Variants in FBH1 observed in about 807,000 individuals in gnomAD.
FBH1 encodes F-box DNA helicase 1, also known as DNA 3'-5' helicase 1.
A neutral mutation model predicts 115.5 loss-of-function variants in FBH1; 43 were observed. The observed-to-expected ratio is 0.37, with a 90% CI of 0.29 to 0.48. The LOEUF (loss-of-function observed/expected upper bound fraction) is 0.48, where lower values mean the gene tolerates loss of function less well. Ranked by LOEUF, FBH1 falls within the 20% of genes least tolerant of loss-of-function variation. FBH1 has a pLI of 0.99. For missense variants in FBH1, 1,001 were observed against 1,337.3 expected, an observed-to-expected ratio of 0.75 and a Z score of 3.92; for synonymous variants, 524 against 507.8, an observed-to-expected ratio of 1.03 and a Z score of -0.43.
intron 2 of FBH1, among the ~76,000 whole-genome samples, chr10:5,905,741 C>T (rs1843652506): frequency 6.6e-6 from 1 of 152,100 alleles, no homozygotes; most frequent in East Asian, 1.9e-4. Context: ...TTCAGATGTT[C>T]CCTGTGCAGC....
intron 2 of FBH1, among the ~76,000 whole-genome samples, chr10:5,904,114 C>T (rs1330183211): frequency 1.3e-5 from 2 of 151,826 alleles, no homozygotes; most frequent in Non-Finnish European, 2.9e-5. Context: ...GCAGTGGCAC[C>T]ATTTCAGCTC....
chr10:5,933,558 G>A lies in FBH1; in HGVS notation c.2830-2898G>A, dbSNP rs993481257. ...GGCTGTCTGCCCTCAGGGGTCCTGC[G>A]AGGAAGTCCCAGAAAAACTGCCTAT... On this transcript the variant is annotated intron_variant, in intron 19 of 20. Coordinates refer to ENST00000362091, the MANE Select transcript of FBH1 (RefSeq NM_178150.3). The surrounding 1 kb of genome is among the most constrained non-coding windows in gnomAD (Gnocchi z 4.9). Among the ~76,000 whole-genome samples the A allele has an allele frequency of 6.6e-6, 1 of 152,130 alleles. No individual in the cohort carries two copies. The highest frequency in any genetic ancestry group is 1.5e-5 in the Non-Finnish European group (1 of 68,044).
At position 5,930,344 on chromosome 10, in the gene FBH1, C is replaced by T. The variant is rs995328335; in HGVS notation, c.2829+2803C>T. 1.2e-4 allele frequency among the ~76,000 whole-genome samples: 19 copies of T among 152,296 alleles called. No homozygotes were observed. The East Asian group carries it at 2.7e-3, about 22-fold the overall frequency. On this transcript the variant is annotated intron_variant, in intron 19 of 20. Transcript: ENST00000362091. ...CTCTTAAGTTAAATAGAGAGCTGTA[C>T]GGGACTCCCTCCCTGCTTTTCCCAT...
Position 5,903,107 on chromosome 10 carries a change from A to G in FBH1, c.89A>G (p.Gln30Arg). The change falls in exon 2 of 21, where the codon CAA (glutamine) becomes CGA (arginine). Residue 30 changes from glutamine to arginine, a missense_variant. Around this residue, in one of 4 missense-constraint regions of FBH1, gnomAD observed 420 missense variants for 430.4 expected, o/e 0.98. Coordinates refer to ENST00000362091, the MANE Select transcript of FBH1 (RefSeq NM_178150.3). The stretch of plus-strand genomic sequence containing the variant: ...TTGGCTGTGACCCAGCCCTTCGGTC[A>G]AAGATGGACAAACAGAGATCCGAAC... The part of the protein sequence containing the change: ...SHLAVTQPFG[Q>R]RWTNRDPNHG... 1 of 1,613,966 alleles carries G rather than the reference A, an allele frequency of 6.2e-7. No individual in the cohort carries two copies. Among genetic ancestry groups the G allele is most frequent in the Non-Finnish European group, 8.5e-7 (1 of 1,179,924 alleles).
At position 5,921,651 on chromosome 10, in the gene FBH1, G is replaced by A; in HGVS notation, c.2322+82G>A. 6.5e-7 allele frequency: 1 copy of A among 1,548,908 alleles called. No homozygotes were observed. The highest frequency in any genetic ancestry group is 8.7e-7 in the Non-Finnish European group (1 of 1,155,850). The stretch of plus-strand genomic sequence containing the variant: ...CCCAATGGAAATGTTCACCTTCCTT[G>A]GGATTATCATGCAAGAAAGCATTTG... On this transcript the variant is annotated intron_variant, in intron 15 of 20. Coordinates refer to ENST00000362091, the MANE Select transcript of FBH1 (RefSeq NM_178150.3). This position sits in a 1 kb window ranked among gnomAD's most constrained non-coding sequence, Gnocchi z 6.4.
rs1429889934 is a variant in FBH1 at position 5,923,605 on chromosome 10, C to CA, written c.2323-10dup. 4 of 1,602,040 alleles carry CA rather than the reference C, an allele frequency of 2.5e-6. No individual in the cohort carries two copies. The African/African-American group carries it at 5.4e-5, about 22-fold the overall frequency. ...AACAACAAAAAAACAAAAATCCCAC[C>CA]AAAAAACTTTTTCAGGGGATTAAAT... is the stretch of plus-strand genomic sequence containing the variant. On this transcript the variant is annotated splice_polypyrimidine_tract_variant and intron_variant, in intron 15 of 20. Coordinates refer to ENST00000362091, the MANE Select transcript of FBH1 (RefSeq NM_178150.3). The surrounding 1 kb of genome is among the most constrained non-coding windows in gnomAD (Gnocchi z 5.7).
chr10:5,893,094 T>A (rs2131819418), intron 1 of FBH1, among the ~76,000 whole-genome samples: 2 of 152,332 alleles, frequency 1.3e-5, no homozygotes, highest in Middle Eastern at 6.8e-3. Context: ...TTGCCTGAGC[T>A]CAGGAGTTCT....
In FBH1 at chr10:5,897,547, G is replaced by A. The variant is rs1843082365; in HGVS notation, c.2-5473G>A. On this transcript the variant is annotated intron_variant, in intron 1 of 20. Coordinates refer to ENST00000362091, the MANE Select transcript of FBH1 (RefSeq NM_178150.3). This position sits in a 1 kb window ranked among gnomAD's most constrained non-coding sequence, Gnocchi z 4.7. ...ATATCCAATAAGTCCAAGGGGTGGG[G>A]AATCCAATAAAAGTGTTAATAAAAA... 1.3e-5 allele frequency among the ~76,000 whole-genome samples: 2 copies of A among 152,112 alleles called. No homozygotes were observed. The highest frequency in any genetic ancestry group is 6.5e-5 in the Admixed American group (1 of 15,278).
intron 1 of FBH1, among the ~76,000 whole-genome samples, chr10:5,892,397 G>A (rs1842785590): frequency 6.6e-6 from 1 of 152,122 alleles, no homozygotes; most frequent in African/African-American, 2.4e-5. Flanking sequence ...TCTAATTTTG[G>A]GTTTGTTGAC....
rs577156113 is a variant in FBH1 at position 5,894,910 on chromosome 10, C to A, written c.1+4564C>A. 2.7e-5 allele frequency: 22 copies of A among 809,406 alleles called. No homozygotes were observed. The African/African-American group carries it at 3.3e-4, about 12-fold the overall frequency. 50.1% of individuals were successfully genotyped at this position (809,406 alleles called of 1,614,324 possible). On this transcript the variant is annotated intron_variant, in intron 1 of 20. Transcript: ENST00000362091. ...AAGACACATGTTAAATGCACACTTACACAAAGAATTGTTACAAGTATCTCG... is the reference window on the plus strand; with the variant it reads ...AAGACACATGTTAAATGCACACTTAAACAAAGAATTGTTACAAGTATCTCG...
In FBH1 at chr10:5,895,941, T is replaced by A. The variant is rs537247797; in HGVS notation, c.1+5595T>A. Among the ~76,000 whole-genome samples, 1 of 152,162 alleles carries A rather than the reference T, an allele frequency of 6.6e-6. No homozygotes were observed. The highest frequency in any genetic ancestry group is 1.9e-4 in the East Asian group (1 of 5,194). On this transcript the variant is annotated intron_variant, in intron 1 of 20. Transcript: ENST00000362091. The surrounding 1 kb of genome is among the most constrained non-coding windows in gnomAD (Gnocchi z 5.0). Reference sequence around the variant, plus strand: ...TGCTCAGGGAGAAGAGCAACAACATTCTTTGCAGCAAAACCTGAAACACTC... The same window carrying A: ...TGCTCAGGGAGAAGAGCAACAACATACTTTGCAGCAAAACCTGAAACACTC...
chr10:5,933,434 G>A lies in FBH1; in HGVS notation c.2830-3022G>A, dbSNP rs1484568420. Among the ~76,000 whole-genome samples the A allele has an allele frequency of 6.6e-6, 1 of 152,176 alleles. No homozygotes were observed. The highest frequency in any genetic ancestry group is 1.5e-5 in the Non-Finnish European group (1 of 68,032). ...GAAGTAGACTTTTTAAAGCTGATTG[G>A]AAGGTTGTCAGTTGGTTGCTGCATG... On this transcript the variant is annotated intron_variant, in intron 19 of 20. Transcript: ENST00000362091. This position sits in a 1 kb window ranked among gnomAD's most constrained non-coding sequence, Gnocchi z 4.9.
chr10:5,932,091 G>A lies in FBH1; in HGVS notation c.2830-4365G>A, dbSNP rs1270703475. ...GAACCCAGGAGGCGGAGATTGCAGT[G>A]AGCTGAGATTGTGCCACTGCACTCC... On this transcript the variant is annotated intron_variant, in intron 19 of 20. Coordinates refer to ENST00000362091, the MANE Select transcript of FBH1 (RefSeq NM_178150.3). This position sits in a 1 kb window ranked among gnomAD's most constrained non-coding sequence, Gnocchi z 5.9. Among the ~76,000 whole-genome samples the A allele has an allele frequency of 6.6e-6, 1 of 152,210 alleles. No homozygotes were observed. The highest frequency in any genetic ancestry group is 1.5e-5 in the Non-Finnish European group (1 of 68,048).
rs76291320 is a variant in FBH1 at position 5,895,743 on chromosome 10, C to T, written c.1+5397C>T. Among the ~76,000 whole-genome samples, 2,271 of 152,198 alleles carry T rather than the reference C, an allele frequency of 0.015. 51 individuals are homozygous for T. Among genetic ancestry groups the T allele is most frequent in the African/African-American group, 0.051 (2,131 of 41,528 alleles). On this transcript the variant is annotated intron_variant, in intron 1 of 20. Coordinates refer to ENST00000362091, the MANE Select transcript of FBH1 (RefSeq NM_178150.3). This position sits in a 1 kb window ranked among gnomAD's most constrained non-coding sequence, Gnocchi z 5.0. ...TGGAGGCTCTTCTATTTTGAACACC[C>T]GGCTTCTAAGGATGTCCTGGGAATC... is the stretch of plus-strand genomic sequence containing the variant.
rs144808480 is a variant in FBH1, at chr10:5,905,800, C to T, written c.158-237C>T. The stretch of plus-strand genomic sequence containing the variant: ...CTGCAGGGAGTATTGCTGGCCATCA[C>T]ATCATGTGAAGACTGGTCTCTGTCT... On this transcript the variant is annotated intron_variant, in intron 2 of 20. Coordinates refer to ENST00000362091, the MANE Select transcript of FBH1 (RefSeq NM_178150.3). Among the ~76,000 whole-genome samples, 393 of 152,316 alleles carry T rather than the reference C, an allele frequency of 2.6e-3. 1 individual carries two copies. Among genetic ancestry groups the T allele is most frequent in the African/African-American group, 9.2e-3 (381 of 41,568 alleles).
intron 1 of FBH1, chr10:5,894,328 A>G (rs998923603): frequency 3.9e-6 from 6 of 1,536,356 alleles, no homozygotes; most frequent in Non-Finnish European, 5.2e-6. Flanking sequence ...TGGTTCTGAC[A>G]TTTCACAATG....
chr10:5,923,071 C>T lies in FBH1; in HGVS notation c.2323-550C>T, dbSNP rs1008273142. Among the ~76,000 whole-genome samples, 9 of 152,172 alleles carry T rather than the reference C, an allele frequency of 5.9e-5. No individual in the cohort carries two copies. Among genetic ancestry groups the T allele is most frequent in the Non-Finnish European group, 1.3e-4 (9 of 68,010 alleles). ...CTAATTTTTGTATTTTTGGTAGAGA[C>T]GGGGTTTCACCATGTTGGCCAGGCT... On this transcript the variant is annotated intron_variant, in intron 15 of 20. Coordinates refer to ENST00000362091, the MANE Select transcript of FBH1 (RefSeq NM_178150.3). The surrounding 1 kb of genome is among the most constrained non-coding windows in gnomAD (Gnocchi z 5.7).
Position 5,914,373 on chromosome 10 carries a change from C to T in FBH1, c.1396+104C>T. ...GGGCATCTTTGCTCTGATCTGTCAT[C>T]CAACTAATAATTCAATAACAGATCA... On this transcript the variant is annotated intron_variant, in intron 8 of 20. Coordinates refer to ENST00000362091, the MANE Select transcript of FBH1 (RefSeq NM_178150.3). This position sits in a 1 kb window ranked among gnomAD's most constrained non-coding sequence, Gnocchi z 5.2. 1.1e-6 allele frequency: 1 copy of T among 930,352 alleles called. No homozygotes were observed. Among genetic ancestry groups the T allele is most frequent in the Non-Finnish European group, 1.7e-6 (1 of 577,902 alleles). The allele number at this position is 930,352 out of a possible 1,614,324, so 57.6% of individuals were successfully genotyped here.
In FBH1 at chr10:5,913,652, G is replaced by T; in HGVS notation, c.1212-95G>T. 1 of 817,970 alleles carries T rather than the reference G, an allele frequency of 1.2e-6. No individual in the cohort carries two copies. Among genetic ancestry groups the T allele is most frequent in the Non-Finnish European group, 1.9e-6 (1 of 531,000 alleles). The allele number at this position is 817,970 out of a possible 1,614,324, so 50.7% of individuals were successfully genotyped here. ...AATGGTGGTAGGTATTTTCTTTTTA[G>T]AAATGGGAAGGAGTTTAAATCCATC... is the stretch of plus-strand genomic sequence containing the variant. On this transcript the variant is annotated intron_variant, in intron 6 of 20. Transcript: ENST00000362091. This position sits in a 1 kb window ranked among gnomAD's most constrained non-coding sequence, Gnocchi z 4.4.
Sources: gnomAD v4.1 joint callset for allele counts (sites outside exome capture counted in the v4.1 genomes callset) on GRCh38, gnomAD v4.1.1 for gene constraint, gnomAD v4.1.1 regional missense constraint, Gnocchi (gnomAD v3.1) non-coding constraint, MANE v1.5 for transcripts, NCBI Gene and HGNC (gene_info 2026-07-23, HGNC 2026-07-21) for gene names.